The following SLC24A3 variants were observed in gnomAD, a reference collection of about 807,000 sequenced individuals.
SLC24A3 encodes the protein sodium/potassium/calcium exchanger 3.
SLC24A3 carries 28 observed loss-of-function variants against 75.8 expected under a neutral mutation model. The observed-to-expected ratio is 0.37, with a 90% CI of 0.27 to 0.51. The LOEUF is 0.51. Among genes scored for constraint, SLC24A3 ranks in the 20% least tolerant of loss-of-function variants. The pLI, the probability that SLC24A3 is intolerant of heterozygous loss-of-function variation, is 0.94. For missense variants in SLC24A3, 663 were observed against 847.8 expected, an observed-to-expected ratio of 0.78 and a Z score of 2.71; for synonymous variants, 372 against 334.1, an observed-to-expected ratio of 1.11 and a Z score of -1.24.
chr20:19,451,388 C>T lies in SLC24A3; in HGVS notation c.272-64100C>T, dbSNP rs561542580. ...GGGTTTCTGTAACAGTCCTTGGCCCCGGTGGGCTTTCTTATCAGTCGCTAT... is the reference window on the plus strand; with the variant it reads ...GGGTTTCTGTAACAGTCCTTGGCCCTGGTGGGCTTTCTTATCAGTCGCTAT... On this transcript the variant is annotated intron_variant, in intron 2 of 16. Transcript: ENST00000328041. 2.2e-3 allele frequency among the ~76,000 whole-genome samples: 336 copies of T among 152,166 alleles called. 1 individual carries two copies. The highest frequency in any genetic ancestry group is 3.8e-3 in the Non-Finnish European group (258 of 68,032).
intron 3 of SLC24A3, among the ~76,000 whole-genome samples, chr20:19,529,582 A>G (rs1434110376): frequency 6.6e-6 from 1 of 152,170 alleles, no homozygotes. Context: ...ATTCCATGTG[A>G]TGCTTTAGAA....
At chr20:19,684,458 C>G (rs1253308128) in intron 11 of SLC24A3, 122 bp downstream of exon 11, 2 of 1,140,450 alleles carry the variant, frequency 1.8e-6, no homozygotes, top group African/African-American at 1.6e-5. Context: ...CAGCATCCCT[C>G]AGCCATTTCC....
chr20:19,680,013 C>G (rs1287136161), intron 9 of SLC24A3, among the ~76,000 whole-genome samples: 1 of 150,098 alleles, frequency 6.7e-6, no homozygotes, highest in Non-Finnish European at 1.5e-5. Flanking sequence ...TGTGTGTTGT[C>G]TGTGTGTGTA....
At chr20:19,593,928 G>A (rs558277271) in intron 6 of SLC24A3, among the ~76,000 whole-genome samples, 45 of 152,086 alleles carry the variant, frequency 3.0e-4, no homozygotes, top group Non-Finnish European at 5.6e-4. Flanking sequence ...GCTGGACCCC[G>A]GCCATTCACT....
chr20:19,292,517 T>C (rs928970790), intron 2 of SLC24A3, among the ~76,000 whole-genome samples: 1 of 152,200 alleles, frequency 6.6e-6, no homozygotes, highest in Non-Finnish European at 1.5e-5. Context: ...TGGAGCTTTT[T>C]CTGGGGAACG....
rs1568689507 is a variant in SLC24A3 at position 19,663,411 on chromosome 20, T to TCCTCCTCCTCCA, written c.688-2442_688-2441insACCTCCTCCTCC. ...CTTTGTGGAGGCCTCCTCCTCCACC[T>TCCTCCTCCTCCA]CCTCCTCCTCCTCCTCCTCCTCCGC... On this transcript the variant is annotated intron_variant, in intron 7 of 16. Coordinates refer to ENST00000328041, the MANE Select transcript of SLC24A3 (RefSeq NM_020689.4). 4.2e-4 allele frequency among the ~76,000 whole-genome samples: 2 copies of TCCTCCTCCTCCA among 4,712 alleles called. 1 individual carries two copies. Among genetic ancestry groups the TCCTCCTCCTCCA allele is most frequent in the Non-Finnish European group, 1.0e-3 (2 of 1,928 alleles). 3.1% of individuals were successfully genotyped at this position (4,712 alleles called of 152,430 possible). A position where few individuals can be genotyped will look rare whatever the true frequency, so the allele number is the denominator to read the frequency against.
chr20:19,517,050 T>C (rs2030007839), intron 3 of SLC24A3, among the ~76,000 whole-genome samples: 1 of 152,184 alleles, frequency 6.6e-6, no homozygotes, highest in Non-Finnish European at 1.5e-5. Flanking sequence ...AAGTCTCTTT[T>C]CTACAAGGAC....
chr20:19,710,171 G>T (rs1054450355), intron 15 of SLC24A3, among the ~76,000 whole-genome samples: 1 of 152,176 alleles, frequency 6.6e-6, no homozygotes, highest in Non-Finnish European at 1.5e-5. Context: ...AAATCCAGGG[G>T]CTTCTTATTT....
chr20:19,385,736 G>A (rs945651988), intron 2 of SLC24A3, among the ~76,000 whole-genome samples: 2 of 151,762 alleles, frequency 1.3e-5, no homozygotes, highest in Admixed American at 1.3e-4. Flanking sequence ...CAACCTCCTG[G>A]GCTCAAATGA....
intron 1 of SLC24A3, among the ~76,000 whole-genome samples, chr20:19,234,672 C>A (rs1173571691): frequency 1.3e-5 from 2 of 152,260 alleles, no homozygotes; most frequent in South Asian, 4.2e-4. Context: ...GCTGCAGGTG[C>A]ACAGGAGCAC....
intron 2 of SLC24A3, among the ~76,000 whole-genome samples, chr20:19,312,987 A>AATGTTCTCCAG (rs1984495014): frequency 1.3e-5 from 2 of 150,984 alleles, no homozygotes; most frequent in South Asian, 2.1e-4. Flanking sequence ...GGAAAACAGA[A>AATGTTCTCCAG]ATGTTCTCCA....
At chr20:19,351,443 A>G (rs1985562968) in intron 2 of SLC24A3, among the ~76,000 whole-genome samples, 1 of 151,978 alleles carries the variant, frequency 6.6e-6, no homozygotes, top group Non-Finnish European at 1.5e-5. Flanking sequence ...CTTTGTGACC[A>G]TCTCCCTCCC....
chr20:19,415,070 A>G (rs748174000), intron 2 of SLC24A3, among the ~76,000 whole-genome samples: 19 of 152,242 alleles, frequency 1.2e-4, no homozygotes, highest in African/African-American at 4.1e-4. Context: ...TCTCATTATA[A>G]TACCTATAAA....
chr20:19,582,533 T>C (rs2031232896), intron 4 of SLC24A3, among the ~76,000 whole-genome samples: 1 of 151,936 alleles, frequency 6.6e-6, no homozygotes, highest in Admixed American at 6.5e-5. Context: ...GAGAAGGAGA[T>C]AAAGGCAATG....
intron 3 of SLC24A3, among the ~76,000 whole-genome samples, chr20:19,523,153 A>G (rs1264536753): frequency 6.6e-6 from 1 of 152,200 alleles, no homozygotes. Context: ...AAAACAAACT[A>G]TCTTCAAAAG....
chr20:19,592,781 T>TTTTC (rs1195569489), intron 6 of SLC24A3, among the ~76,000 whole-genome samples: 1 of 141,258 alleles, frequency 7.1e-6, no homozygotes, highest in African/African-American at 2.6e-5. Context: ...TCGGCAAAAA[T>TTTTC]TTTCTTTCTT....
intron 3 of SLC24A3, among the ~76,000 whole-genome samples, chr20:19,516,126 GAC>G (rs2029982400): frequency 6.6e-6 from 1 of 152,188 alleles, no homozygotes; most frequent in Non-Finnish European, 1.5e-5. Flanking sequence ...CACCATGTCT[GAC>G]ACATAGAAGA....
chr20:19,659,434 A>T (rs577744063), intron 7 of SLC24A3, among the ~76,000 whole-genome samples: 1 of 152,348 alleles, frequency 6.6e-6, no homozygotes, highest in East Asian at 1.9e-4. Flanking sequence ...GTGCTGTCCA[A>T]TGTGGTAGCC....
intron 2 of SLC24A3, among the ~76,000 whole-genome samples, chr20:19,291,647 A>T (rs922795555): frequency 1.4e-5 from 2 of 140,886 alleles, no homozygotes; most frequent in Non-Finnish European, 2.9e-5. Flanking sequence ...AAAGATTAGC[A>T]GCCTTTTTTA....
Sources: gnomAD v4.1 joint callset for allele counts (sites outside exome capture counted in the v4.1 genomes callset) on GRCh38, gnomAD v4.1.1 for gene constraint, MANE v1.5 for transcripts, NCBI Gene and HGNC (gene_info 2026-07-23, HGNC 2026-07-21) for gene names.